Variants in MAP4K4 observed in about 807,000 individuals in gnomAD.
The protein encoded by MAP4K4 is HPK/GCK-like kinase HGK.
Under a neutral mutation model 189.6 loss-of-function variants are expected in MAP4K4, and 38 were observed. The ratio of observed to expected loss-of-function variants is 0.20; its 90% CI spans 0.15 to 0.26. The LOEUF is 0.26. Ranked by LOEUF, MAP4K4 falls within the 10% of genes least tolerant of loss-of-function variation. MAP4K4 has a pLI of 1.00. For missense variants in MAP4K4, 1,054 were observed against 1,726.9 expected, an observed-to-expected ratio of 0.61 and a Z score of 6.91; for synonymous variants, 610 against 624.3, an observed-to-expected ratio of 0.98 and a Z score of 0.34.
intron 12 of MAP4K4, among the ~76,000 whole-genome samples, chr2:101,854,558 G>A (rs1171306272): frequency 5.3e-5 from 8 of 152,172 alleles, no homozygotes; most frequent in East Asian, 1.9e-4. Context: ...CCAAATCATC[G>A]TTGCTATCCA....
rs1308359615 is a variant in MAP4K4, at chr2:101,838,808, A to C, written c.774-1011A>C. Among the ~76,000 whole-genome samples the C allele has an allele frequency of 5.9e-5, 9 of 152,378 alleles. No individual in the cohort carries two copies. In the East Asian group the frequency reaches 1.5e-3, roughly 26 times the overall value. On this transcript the variant is annotated intron_variant, in intron 9 of 32. Transcript: ENST00000324219. ...TAGAAGTGATTCTTAAAAGCAGTGA[A>C]GTGGAAAGAGTGAACTAATTTTCTA...
At chr2:101,728,971 G>C (rs2056990505) in intron 2 of MAP4K4, among the ~76,000 whole-genome samples, 2 of 152,196 alleles carry the variant, frequency 1.3e-5, no homozygotes, top group African/African-American at 4.8e-5. Flanking sequence ...AAATTGGTGA[G>C]TGTTGCACAA....
chr2:101,793,722 A>G (rs2093316881), intron 3 of MAP4K4, among the ~76,000 whole-genome samples: 1 of 152,164 alleles, frequency 6.6e-6, no homozygotes, highest in South Asian at 2.1e-4. Context: ...TCAGGCCCAG[A>G]AGGCAAGAAT....
chr2:101,803,132 C>A (rs1045211222), intron 3 of MAP4K4, among the ~76,000 whole-genome samples: 3 of 152,140 alleles, frequency 2.0e-5, no homozygotes, highest in Non-Finnish European at 2.9e-5. Flanking sequence ...CAATGCCTAG[C>A]ATATAGTAGG....
rs753804406 is a variant in MAP4K4 at position 101,882,522 on chromosome 2, A to G, written c.3386-29A>G. On this transcript the variant is annotated intron_variant, in intron 27 of 32. Coordinates refer to ENST00000324219, the Ensembl canonical transcript of MAP4K4. Reference sequence around the variant, plus strand: ...TGATGAGACCTACTTCTGGATATGCATGTAAAATATTTATATTTATTTTGC... The same window carrying G: ...TGATGAGACCTACTTCTGGATATGCGTGTAAAATATTTATATTTATTTTGC... 4.6e-6 allele frequency: 7 copies of G among 1,522,494 alleles called. No homozygotes were observed. In the South Asian group the frequency reaches 5.1e-5, roughly 11 times the overall value. The allele number at this position is 1,522,494 out of a possible 1,614,324, so 94.3% of individuals were successfully genotyped here. A position where few individuals can be genotyped will look rare whatever the true frequency, so the allele number is the denominator to read the frequency against.
At chr2:101,812,141 G>A (rs2095468650) in intron 3 of MAP4K4, among the ~76,000 whole-genome samples, 1 of 152,154 alleles carries the variant, frequency 6.6e-6, no homozygotes, top group Admixed American at 6.5e-5. Flanking sequence ...GTGTGTGGTA[G>A]TTTATGGTCC....
intron 2 of MAP4K4, among the ~76,000 whole-genome samples, chr2:101,755,630 C>A (rs530755347): frequency 6.6e-6 from 1 of 152,200 alleles, no homozygotes; most frequent in East Asian, 1.9e-4. Flanking sequence ...CTCTTTTCTT[C>A]TTCTTTCTTT....
At chr2:101,767,606 A>T (rs2079170927) in intron 2 of MAP4K4, among the ~76,000 whole-genome samples, 1 of 152,202 alleles carries the variant, frequency 6.6e-6, no homozygotes, top group Non-Finnish European at 1.5e-5. Flanking sequence ...AGTGCTAATC[A>T]TTTGGTGTGA....
rs139635597 is a variant in MAP4K4, at chr2:101,795,508, G to A, written c.180+4732G>A. On this transcript the variant is annotated intron_variant, in intron 3 of 32. Transcript: ENST00000324219. ...GAGAGCCTTTGACATGAACCCAATG[G>A]GTCCCCATGGAGTCTGTGGCCTTTT... Among the ~76,000 whole-genome samples, 677 of 152,180 alleles carry A rather than the reference G, an allele frequency of 4.4e-3. 5 individuals are homozygous for A. The highest frequency in any genetic ancestry group is 0.015 in the African/African-American group (637 of 41,514).
At chr2:101,881,027 A>T (rs2098373763) in intron 27 of MAP4K4, among the ~76,000 whole-genome samples, 1 of 152,144 alleles carries the variant, frequency 6.6e-6, no homozygotes, top group South Asian at 2.1e-4. Flanking sequence ...TGGGATTTTG[A>T]TTAGAATTGC....
rs79455408 is a variant in MAP4K4, at chr2:101,758,484, A to G, written c.124-32236A>G. On this transcript the variant is annotated intron_variant, in intron 2 of 32. Coordinates refer to ENST00000324219, the Ensembl canonical transcript of MAP4K4. ...TATATGCAGGATGTGAAACCTGTGT[A>G]TAAGGAGGAGCAGTTTTTCCTATAG... Among the ~76,000 whole-genome samples, 1,411 of 152,286 alleles carry G rather than the reference A, an allele frequency of 9.3e-3. 22 individuals carry two copies. The highest frequency in any genetic ancestry group is 0.032 in the African/African-American group (1,313 of 41,546).
At chr2:101,825,219 C>T (rs1348159566) in intron 4 of MAP4K4, 100 bp from the exon 5 acceptor site, 29 of 641,482 alleles carry the variant, frequency 4.5e-5, no homozygotes, top group Middle Eastern at 2.5e-4. Flanking sequence ...AGGAGCATCA[C>T]GTTTCTAGGT....
At chr2:101,780,521 A>G (rs193063092) in intron 2 of MAP4K4, among the ~76,000 whole-genome samples, 130 of 152,366 alleles carry the variant, frequency 8.5e-4, no homozygotes, top group Non-Finnish European at 1.0e-3. Context: ...ATGCTTAGCC[A>G]TTATAATAAA....
chr2:101,823,242 G>A lies in MAP4K4; in HGVS notation c.181-686G>A, dbSNP rs926690165. On this transcript the variant is annotated intron_variant, in intron 3 of 32. Coordinates refer to ENST00000324219, the Ensembl canonical transcript of MAP4K4. ...CCCTGATCTTCTCACACAAACTCTG[G>A]GTTTCTTCCTCTGCTCATCTTATTT... is the stretch of plus-strand genomic sequence containing the variant. 7.2e-5 allele frequency among the ~76,000 whole-genome samples: 11 copies of A among 152,164 alleles called. 1 individual carries two copies. In the Middle Eastern group the frequency reaches 0.014, roughly 188 times the overall value.
At chr2:101,876,926 A>G (rs1173538529) in intron 26 of MAP4K4, 77 bp from the exon 27 acceptor site, 12 of 1,448,386 alleles carry the variant, frequency 8.3e-6, no homozygotes, top group Non-Finnish European at 1.1e-5. Flanking sequence ...CAAATAGATG[A>G]TGTTATCCTT....
intron 2 of MAP4K4, among the ~76,000 whole-genome samples, chr2:101,719,697 C>G (rs565516927): frequency 6.6e-6 from 1 of 151,870 alleles, no homozygotes; most frequent in Non-Finnish European, 1.5e-5. Flanking sequence ...AAAATTCAAG[C>G]GCCTGATTGT....
At chr2:101,865,109 AAAATGCTCTT>A in intron 18 of MAP4K4, 73 bp downstream of exon 18, 1 of 942,186 alleles carries the variant, frequency 1.1e-6, no homozygotes, top group Non-Finnish European at 1.6e-6. Context: ...CTGTTTCATA[AAAATGCTCTT>A]AAACACAGAC....
intron 21 of MAP4K4, among the ~76,000 whole-genome samples, chr2:101,868,630 T>TA (rs2097889073): frequency 6.6e-6 from 1 of 152,234 alleles, no homozygotes; most frequent in Non-Finnish European, 1.5e-5. Context: ...TTCCCTTTTA[T>TA]ACGTGGTGTC....
chr2:101,757,760 C>T (rs986675528), intron 2 of MAP4K4, among the ~76,000 whole-genome samples: 1 of 152,222 alleles, frequency 6.6e-6, no homozygotes, highest in African/African-American at 2.4e-5. Flanking sequence ...TGGCTCACGC[C>T]TGTAATGCCA....
Sources: gnomAD v4.1 joint callset for allele counts (sites outside exome capture counted in the v4.1 genomes callset) on GRCh38, gnomAD v4.1.1 for gene constraint, MANE v1.5 for transcripts, NCBI Gene and HGNC (gene_info 2026-07-23, HGNC 2026-07-21) for gene names.